AHNAK: variants seen among roughly 807,000 people sequenced by gnomAD.
The protein encoded by AHNAK is neuroblast differentiation-associated protein AHNAK.
AHNAK carries 23 observed loss-of-function variants against 37.8 expected under a neutral mutation model. The ratio of observed to expected loss-of-function variants is 0.61; its 90% CI spans 0.44 to 0.86. The LOEUF (loss-of-function observed/expected upper bound fraction) is 0.86, where lower values mean the gene tolerates loss of function less well. Among genes scored for constraint, AHNAK ranks in the 40% least tolerant of loss-of-function variants. The pLI, the probability that AHNAK is intolerant of heterozygous loss-of-function variation, is 0.00. For missense variants in AHNAK, 7,411 were observed against 7,319.4 expected (o/e 1.01, Z -0.46); for synonymous variants, 2,481 against 2,636.3 (o/e 0.94, Z 1.80).
rs1441709971 is a variant in AHNAK at position 62,519,946 on chromosome 11, T to G, written c.14471A>C (p.Asn4824Thr). The change falls in exon 5 of 5, where the codon AAT (asparagine) becomes ACT (threonine). Residue 4824 changes from asparagine (N) to threonine (T), a missense_variant. By Grantham distance (65) the Asn-to-Thr change is moderately conservative (BLOSUM62 0). Transcript: ENST00000378024. The part of the protein sequence containing the change: ...PKVDVDIPDV[N>T]IEGPDAKLKG... ...CAGTTTTGCGTCTGGACCTTCGATATTCACATCTGGAATATCAACGTCCAC... is the reference window on the plus strand; with the variant it reads ...CAGTTTTGCGTCTGGACCTTCGATAGTCACATCTGGAATATCAACGTCCAC... 6.2e-7 allele frequency: 1 copy of G among 1,613,560 alleles called. No individual in the cohort carries two copies. Among genetic ancestry groups the G allele is most frequent in the South Asian group, 1.1e-5 (1 of 91,042 alleles).
chr11:62,501,651 C>G (rs1490925583), intron 4 of AHNAK, among the ~76,000 whole-genome samples: 1 of 152,246 alleles, frequency 6.6e-6, no homozygotes, highest in Non-Finnish European at 1.5e-5. Context: ...GCACTTTGCT[C>G]TCCAGATGCC....
intron 4 of AHNAK, among the ~76,000 whole-genome samples, chr11:62,493,457 C>G (rs1032996300): frequency 6.6e-6 from 1 of 151,700 alleles, no homozygotes; most frequent in African/African-American, 2.4e-5. Context: ...TCCCAAGTAG[C>G]TGGGATTATA....
chr11:62,451,502 C>T (rs185803074), intron 5 of AHNAK, among the ~76,000 whole-genome samples: 111 of 152,072 alleles, frequency 7.3e-4, no homozygotes, highest in African/African-American at 2.4e-3. Context: ...TTTTGGGAGG[C>T]CAAGGCGGGC....
In AHNAK at chr11:62,516,177, C is replaced by A; in HGVS notation, c.*567G>T. The A allele has an allele frequency of 1.6e-6, 2 of 1,289,174 alleles. No individual in the cohort carries two copies. Among genetic ancestry groups the A allele is most frequent in the Non-Finnish European group, 2.0e-6 (2 of 988,684 alleles). The allele number at this position is 1,289,174 out of a possible 1,614,324, so 79.9% of individuals were successfully genotyped here. ...TCAGCACCAAACTGGCTGGGACCAC[C>A]ACCCCTGGGTGAAAGAAACAACACT... is the stretch of plus-strand genomic sequence containing the variant. On this transcript the variant is annotated 3_prime_UTR_variant, in exon 5 of 5. Coordinates refer to ENST00000378024, the MANE Select transcript of AHNAK (RefSeq NM_001620.3).
At chr11:62,487,849 C>T (rs1394186836) in intron 5 of AHNAK, among the ~76,000 whole-genome samples, 2 of 152,050 alleles carry the variant, frequency 1.3e-5, no homozygotes, top group African/African-American at 4.8e-5. Context: ...AGGCTCACGG[C>T]GGGGACAGGA....
intron 5 of AHNAK, among the ~76,000 whole-genome samples, chr11:62,438,886 G>A (rs191509311): frequency 3.3e-5 from 5 of 152,200 alleles, no homozygotes; most frequent in Non-Finnish European, 7.3e-5. Flanking sequence ...CGGCTCACAT[G>A]AGAATGCTCA....
intron 5 of AHNAK, among the ~76,000 whole-genome samples, chr11:62,456,355 G>A (rs938466459): frequency 6.6e-6 from 1 of 152,198 alleles, no homozygotes. Context: ...CCTTAGTACA[G>A]GTCAAGCACT....
At chr11:62,455,973 A>G (rs1938649744) in intron 5 of AHNAK, among the ~76,000 whole-genome samples, 1 of 152,112 alleles carries the variant, frequency 6.6e-6, no homozygotes, top group Admixed American at 6.6e-5. Flanking sequence ...TGGGAGGCGT[A>G]AGTTGCAGTG....
chr11:62,531,575 T>A lies in AHNAK; in HGVS notation c.2842A>T (p.Met948Leu), dbSNP rs190038336. The change falls in exon 5 of 5, where the codon ATG (methionine) becomes TTG (leucine). Residue 948 changes from methionine to leucine, a missense_variant. Transcript: ENST00000378024. ...EMNIKAPKISMPDVDLHMKGP... is the reference protein window; with the variant it reads ...EMNIKAPKISLPDVDLHMKGP... ...TTCATATGCAAGTCCACATCAGGCATGGAGATCTTGGGGGCCTTGATATTC... is the reference window on the plus strand; with the variant it reads ...TTCATATGCAAGTCCACATCAGGCAAGGAGATCTTGGGGGCCTTGATATTC... 13 of 1,614,158 alleles carry A rather than the reference T, an allele frequency of 8.1e-6. No individual in the cohort carries two copies. In the Admixed American group the frequency reaches 2.2e-4, roughly 27 times the overall value.
In AHNAK at chr11:62,519,730, T is replaced by A; in HGVS notation, c.14687A>T (p.Asp4896Val). ...KGPRLDFEGPDAKLSGPSLKM... is the reference protein window; with the variant it reads ...KGPRLDFEGPVAKLSGPSLKM... ...CAAAGATGGGCCACTGAGTTTGGCA[T>A]CAGGGCCTTCGAAATCCAGACGTGG... Residue 4896 changes from aspartate (D) to valine (V), a missense_variant, in exon 5 of 5, where the codon GAT becomes GTT. Coordinates refer to ENST00000378024, the MANE Select transcript of AHNAK (RefSeq NM_001620.3). The A allele has an allele frequency of 6.2e-7, 1 of 1,613,854 alleles. No individual in the cohort carries two copies. Among genetic ancestry groups the A allele is most frequent in the Non-Finnish European group, 8.5e-7 (1 of 1,179,900 alleles).
At position 62,529,724 on chromosome 11, in the gene AHNAK, G is replaced by A. The variant is rs1940654478; in HGVS notation, c.4693C>T (p.Pro1565Ser). 1 of 1,613,968 alleles carries A rather than the reference G, an allele frequency of 6.2e-7. No homozygotes were observed. Among genetic ancestry groups the A allele is most frequent in the Non-Finnish European group, 8.5e-7 (1 of 1,179,980 alleles). Residue 1565 changes from proline to serine, a missense_variant, in exon 5 of 5, where the codon CCT (proline) becomes TCT (serine). Coordinates refer to ENST00000378024, the MANE Select transcript of AHNAK (RefSeq NM_001620.3). Reference sequence around the variant, plus strand: ...TTCATGCTTGGCATCTTGAACTTAGGGCCTTTTAGTTTCCCCTCTGGAGCT... The same window carrying A: ...TTCATGCTTGGCATCTTGAACTTAGAGCCTTTTAGTTTCCCCTCTGGAGCT... ...LEAPEGKLKG[P>S]KFKMPSMNIQ...
Position 62,529,547 on chromosome 11 carries a change from C to G in AHNAK, c.4870G>C (p.Val1624Leu), listed in dbSNP as rs752113426. Residue 1624 changes from valine (V) to leucine (L), a missense_variant, in exon 5 of 5, where the codon GTT becomes CTT. Physicochemically the swap from Val to Leu is conservative, Grantham distance 32. Coordinates refer to ENST00000378024, the MANE Select transcript of AHNAK (RefSeq NM_001620.3). Reference protein sequence around the residue: ...DVKAPKMDVNVGDIDIEGPEG... With the variant: ...DVKAPKMDVNLGDIDIEGPEG... ...GGACCTTCAATATCAATATCACCAA[C>G]ATTCACATCCATCTTAGGGGCTTTC... The G allele has an allele frequency of 6.2e-7, 1 of 1,614,158 alleles. No homozygotes were observed. Among genetic ancestry groups the G allele is most frequent in the South Asian group, 1.1e-5 (1 of 91,082 alleles).
At chr11:62,513,981 G>T (rs1241250114), downstream of AHNAK, among the ~76,000 whole-genome samples, 1 of 152,106 alleles carries the variant, frequency 6.6e-6, no homozygotes, top group African/African-American at 2.4e-5. Context: ...CTCAGAAGAG[G>T]AATCTGAGAT....
At chr11:62,490,095 C>T (rs774737265) in intron 5 of AHNAK, among the ~76,000 whole-genome samples, 4 of 151,060 alleles carry the variant, frequency 2.6e-5, no homozygotes, top group South Asian at 2.1e-4. Context: ...GAGGAAGAGG[C>T]GACAGGAATG....
In AHNAK at chr11:62,522,269, C is replaced by T. The variant is rs1316167364; in HGVS notation, c.12148G>A (p.Asp4050Asn). Reference sequence around the variant, plus strand: ...AGGTGCCAGTCTGGGCCATGAACATCCACATCTGGGGCATCAATGTCCACT... The same window carrying T: ...AGGTGCCAGTCTGGGCCATGAACATTCACATCTGGGGCATCAATGTCCACT... ...PKVDIDAPDV[D>N]VHGPDWHLKM... The change falls in exon 5 of 5, where the codon GAT becomes AAT. Residue 4050 changes from aspartate to asparagine, a missense_variant. Asp to Asn is a conservative substitution (Grantham distance 23). Coordinates refer to ENST00000378024, the MANE Select transcript of AHNAK (RefSeq NM_001620.3). 6.2e-7 allele frequency: 1 copy of T among 1,613,316 alleles called. No individual in the cohort carries two copies. Among genetic ancestry groups the T allele is most frequent in the Non-Finnish European group, 8.5e-7 (1 of 1,179,894 alleles).
In AHNAK at chr11:62,533,211, G is replaced by C; in HGVS notation, c.1206C>G (p.Pro402=). ...QGHIGVDASA[P]QIGGSITGPS... is the part of the protein sequence containing the mutation. ...GGCCAGTGATGCTACCCCCAATTTG[G>C]GGAGCAGAGGCATCCACCCCAATGT... Residue 402 remains proline (P), a synonymous_variant, in exon 5 of 5, where the codon CCC becomes CCG. Coordinates refer to ENST00000378024, the MANE Select transcript of AHNAK (RefSeq NM_001620.3). The C allele has an allele frequency of 6.6e-7, 1 of 1,526,640 alleles. No individual in the cohort carries two copies. Among genetic ancestry groups the C allele is most frequent in the Non-Finnish European group, 8.8e-7 (1 of 1,141,760 alleles). 94.6% of individuals were successfully genotyped at this position (1,526,640 alleles called of 1,614,324 possible). A position where few individuals can be genotyped will look rare whatever the true frequency, so the allele number is the denominator to read the frequency against.
chr11:62,473,725 C>T lies in AHNAK; in HGVS notation c.442+18007G>A, dbSNP rs1790606559. Among the ~76,000 whole-genome samples the T allele has an allele frequency of 3.3e-5, 5 of 150,990 alleles. No individual in the cohort carries two copies. In the South Asian group the frequency reaches 1.0e-3, roughly 32 times the overall value. ...GTATAAAACAATGATAGGAACCAGG[C>T]TCAGGTCACGCTATAATCCCAGCAC... is the stretch of plus-strand genomic sequence containing the variant. On this transcript the variant is annotated intron_variant, in intron 5 of 5. Transcript: ENST00000257247.
rs534501852 is a variant in AHNAK, at chr11:62,507,510, G to T, written c.343-15679C>A. On this transcript the variant is annotated intron_variant, in intron 4 of 5. Coordinates refer to the AHNAK transcript ENST00000257247. Reference sequence around the variant, plus strand: ...CTGTTTTATAGATTTAAAAAACAGGGCTGGGGATGCGGGCTCACACCTGTA... The same window carrying T: ...CTGTTTTATAGATTTAAAAAACAGGTCTGGGGATGCGGGCTCACACCTGTA... Among the ~76,000 whole-genome samples, 4 of 152,284 alleles carry T rather than the reference G, an allele frequency of 2.6e-5. No individual in the cohort carries two copies. The South Asian group carries it at 6.2e-4, about 24-fold the overall frequency.
intron 5 of AHNAK, among the ~76,000 whole-genome samples, chr11:62,479,151 TTTTTTTTTCTTTTTTC>T (rs1382276622): frequency 4.5e-5 from 6 of 133,734 alleles, no homozygotes; most frequent in Non-Finnish European, 7.8e-5. Context: ...CTTTCTTTTC[TTTTTTTTTCTTTTTTC>T]TTTTTTTTTT....
Sources: allele counts gnomAD v4.1 joint callset (sites outside exome capture counted in the v4.1 genomes callset), GRCh38; gene constraint gnomAD v4.1.1; transcripts MANE v1.5; gene names NCBI Gene and HGNC (gene_info 2026-07-23, HGNC 2026-07-21).